Variants in UVRAG observed in about 807,000 individuals in gnomAD.
UVRAG encodes UV radiation resistance associated.
UVRAG carries 19 observed loss-of-function variants against 78.0 expected under a neutral mutation model. That is an observed-to-expected ratio of 0.24 (90% CI 0.17 to 0.36). The LOEUF (loss-of-function observed/expected upper bound fraction) is 0.36. Among genes scored for constraint, UVRAG ranks in the 10% least tolerant of loss-of-function variants. The pLI is 1.00. For missense variants in UVRAG, 740 were observed against 853.8 expected (o/e 0.87, Z 1.66); for synonymous variants, 323 against 324.6 (o/e 1.00, Z 0.05).
At chr11:76,056,080 G>A (rs1218659048) in intron 12 of UVRAG, among the ~76,000 whole-genome samples, 1 of 152,204 alleles carries the variant, frequency 6.6e-6, no homozygotes, top group African/African-American at 2.4e-5. Flanking sequence ...AGTCCAGCAC[G>A]TCAAGATACA....
chr11:75,882,181 G>T (rs1946961726), intron 4 of UVRAG, among the ~76,000 whole-genome samples: 1 of 152,052 alleles, frequency 6.6e-6, no homozygotes, highest in Admixed American at 6.5e-5. Flanking sequence ...TCTTATTAAA[G>T]AAACAACTTA....
chr11:75,879,898 T>G lies in UVRAG; in HGVS notation c.290T>G (p.Leu97Arg). 1 of 1,614,096 alleles carries G rather than the reference T, an allele frequency of 6.2e-7. No homozygotes were observed. Among genetic ancestry groups the G allele is most frequent in the Non-Finnish European group, 8.5e-7 (1 of 1,179,942 alleles). ...GAGCAGAATCCCACGTGGCGAAGTC[T>G]CGATTTTGGAATTATGCCAGACCGT... ...KNSLNPTWRS[L>R]DFGIMPDRLD... is the part of the protein sequence containing the mutation. Residue 97 changes from leucine to arginine, a missense_variant, in exon 4 of 15, where the codon CTC becomes CGC. Coordinates refer to ENST00000356136, the MANE Select transcript of UVRAG (RefSeq NM_003369.4).
At chr11:75,914,951 G>T (rs933281831) in intron 6 of UVRAG, among the ~76,000 whole-genome samples, 17 of 151,970 alleles carry the variant, frequency 1.1e-4, no homozygotes, top group African/African-American at 4.1e-4. Flanking sequence ...CTAAAACCAG[G>T]TGCTCCTTCA....
At chr11:76,092,608 A>G (rs1951721036) in intron 13 of UVRAG, among the ~76,000 whole-genome samples, 1 of 152,192 alleles carries the variant, frequency 6.6e-6, no homozygotes, top group African/African-American at 2.4e-5. Flanking sequence ...GCATTTTGTC[A>G]TGTGTCTGTT....
chr11:76,084,905 C>A (rs1951557798), intron 13 of UVRAG, among the ~76,000 whole-genome samples: 1 of 151,212 alleles, frequency 6.6e-6, no homozygotes, highest in South Asian at 2.1e-4. Context: ...CTAAAAATGC[C>A]CCCCAAAAAT....
chr11:76,101,024 G>A (rs1412696608), intron 13 of UVRAG, among the ~76,000 whole-genome samples: 2 of 152,132 alleles, frequency 1.3e-5, no homozygotes, highest in Admixed American at 6.6e-5. Flanking sequence ...GGACACTTAG[G>A]TTGGTTCCAT....
chr11:75,983,102 T>TTATTG (rs1363366993), intron 7 of UVRAG, among the ~76,000 whole-genome samples: 1 of 152,194 alleles, frequency 6.6e-6, no homozygotes, highest in African/African-American at 2.4e-5. Flanking sequence ...TTTAAAAATC[T>TTATTG]TATTGTATTG....
intron 2 of UVRAG, among the ~76,000 whole-genome samples, chr11:75,860,921 G>A (rs758385930): frequency 2.6e-5 from 4 of 152,008 alleles, no homozygotes; most frequent in Admixed American, 1.3e-4. Flanking sequence ...AAGTAGCAGG[G>A]ATTACAAGCA....
intron 8 of UVRAG, among the ~76,000 whole-genome samples, chr11:75,995,563 C>G (rs796772926): frequency 4.0e-5 from 6 of 148,634 alleles, no homozygotes; most frequent in African/African-American, 1.2e-4. Context: ...ATTTAATTAG[C>G]TTCTGCTTGG....
intron 12 of UVRAG, 39 bp from the exon 13 acceptor site, chr11:76,065,671 A>G: frequency 6.3e-7 from 1 of 1,595,246 alleles, no homozygotes; most frequent in Non-Finnish European, 8.6e-7. Context: ...GTATTTACTC[A>G]GCTTTTGAAA....
intron 6 of UVRAG, among the ~76,000 whole-genome samples, chr11:75,956,574 C>T (rs369370421): frequency 3.3e-5 from 5 of 151,960 alleles, no homozygotes; most frequent in East Asian, 3.9e-4. Flanking sequence ...TTAGTAGAGA[C>T]GGGGTTTCAC....
At chr11:75,949,580 G>A (rs779421568) in intron 6 of UVRAG, among the ~76,000 whole-genome samples, 20 of 151,944 alleles carry the variant, frequency 1.3e-4, no homozygotes, top group Non-Finnish European at 1.8e-4. Context: ...TGTTGCTGCC[G>A]TGTTCTACAT....
rs1038155109 is a variant in UVRAG, at chr11:76,143,547, C to T, written c.*2134C>T. 2.0e-5 allele frequency among the ~76,000 whole-genome samples: 3 copies of T among 152,030 alleles called. No individual in the cohort carries two copies. The highest frequency in any genetic ancestry group is 6.6e-5 in the Admixed American group (1 of 15,260). On this transcript the variant is annotated 3_prime_UTR_variant, in exon 15 of 15. Coordinates refer to ENST00000356136, the MANE Select transcript of UVRAG (RefSeq NM_003369.4). Reference sequence around the variant, plus strand: ...CTGCTCAGAGCTGATTGCTAGGTGCCTACACATTTGCCTCGACCCACACAG... The same window carrying T: ...CTGCTCAGAGCTGATTGCTAGGTGCTTACACATTTGCCTCGACCCACACAG...
chr11:76,127,358 A>AAAG (rs1486695310), intron 14 of UVRAG, among the ~76,000 whole-genome samples: 1 of 152,230 alleles, frequency 6.6e-6, no homozygotes, highest in East Asian at 1.9e-4. Context: ...GAAATGAGTT[A>AAAG]AAGAATGAAT....
chr11:76,049,685 C>T (rs972619662), intron 12 of UVRAG, among the ~76,000 whole-genome samples: 2 of 152,312 alleles, frequency 1.3e-5, no homozygotes, highest in African/African-American at 2.4e-5. Context: ...TTCACCCCTC[C>T]CTCCATTCCA....
At chr11:75,912,145 C>G (rs542997691) in intron 6 of UVRAG, 106 bp downstream of exon 6, 1 of 789,884 alleles carries the variant, frequency 1.3e-6, no homozygotes, top group East Asian at 2.6e-5. Flanking sequence ...GGCTGTTATT[C>G]AAGCTTAGCA....
chr11:75,815,496 C>T lies in UVRAG; in HGVS notation c.89C>T (p.Ala30Val). 3 of 1,242,386 alleles carry T rather than the reference C, an allele frequency of 2.4e-6. No homozygotes were observed. Among genetic ancestry groups the T allele is most frequent in the South Asian group, 6.9e-5 (2 of 29,142 alleles). 77.0% of individuals were successfully genotyped at this position (1,242,386 alleles called of 1,614,324 possible). A position where few individuals can be genotyped will look rare whatever the true frequency, so the allele number is the denominator to read the frequency against. The stretch of plus-strand genomic sequence containing the variant: ...CTGCCTCCCGGTTCTGCCGCGCGGG[C>T]CCTGCATGTGGAGCTGCCGTCTCAG... ...AALPPGSAARALHVELPSQQR... is the reference protein window; with the variant it reads ...AALPPGSAARVLHVELPSQQR... The change falls in exon 1 of 15, where the codon GCC (alanine) becomes GTC (valine). Residue 30 changes from alanine to valine, a missense_variant. Ala to Val is a moderately conservative substitution (Grantham distance 64, BLOSUM62 0). Transcript: ENST00000356136.
chr11:76,064,090 T>C (rs1299792644), intron 12 of UVRAG, among the ~76,000 whole-genome samples: 3 of 152,246 alleles, frequency 2.0e-5, no homozygotes, highest in Non-Finnish European at 4.4e-5. Flanking sequence ...GAAGTCATAA[T>C]AAAGTCAAAT....
Position 76,076,227 on chromosome 11 carries a change from A to G in UVRAG, c.1305+10439A>G, listed in dbSNP as rs149688323. Among the ~76,000 whole-genome samples, 273 of 152,320 alleles carry G rather than the reference A, an allele frequency of 1.8e-3. 1 individual carries two copies. Among genetic ancestry groups the G allele is most frequent in the African/African-American group, 6.3e-3 (262 of 41,592 alleles). On this transcript the variant is annotated intron_variant, in intron 13 of 14. Transcript: ENST00000356136. ...CACTACTAATGTACAAAGGTTCTGTATTAGTCTGTTCTCATGCTGCTAATA... is the reference window on the plus strand; with the variant it reads ...CACTACTAATGTACAAAGGTTCTGTGTTAGTCTGTTCTCATGCTGCTAATA...
Sources: allele counts gnomAD v4.1 joint callset (sites outside exome capture counted in the v4.1 genomes callset), GRCh38; gene constraint gnomAD v4.1.1; transcripts MANE v1.5; gene names NCBI Gene and HGNC (gene_info 2026-07-23, HGNC 2026-07-21).